The following C17orf113 variants were observed in gnomAD, a reference collection of about 807,000 sequenced individuals.
C17orf113 encodes the protein chromosome 17 open reading frame 113.
Under a neutral mutation model 11.6 loss-of-function variants are expected in C17orf113, and 5 were observed. The observed-to-expected ratio is 0.43, with a 90% confidence interval of 0.23 to 0.91. The LOEUF (loss-of-function observed/expected upper bound fraction) is 0.91. C17orf113 is among the 40% of genes least tolerant of loss of function. The pLI, the probability that C17orf113 is intolerant of heterozygous loss-of-function variation, is 0.26. For synonymous variants in C17orf113, 327 were observed against 390.6 expected (o/e 0.84, Z 1.92); for missense variants, 714 against 841.3 (o/e 0.85, Z 1.87).
chr17:42,045,710 CTG>C (rs1555656576), intron 1 of C17orf113, among the ~76,000 whole-genome samples: 3 of 152,218 alleles, frequency 2.0e-5, no homozygotes, highest in East Asian at 1.9e-4. Flanking sequence ...ATCACTGCAG[CTG>C]CCTCGGTCTC....
At position 42,039,948 on chromosome 17, in the gene C17orf113, G is replaced by A. The variant is rs1054116508; in HGVS notation, c.1785C>T (p.Pro595=). 6 of 1,231,072 alleles carry A rather than the reference G, an allele frequency of 4.9e-6. No individual in the cohort carries two copies. Among genetic ancestry groups the A allele is most frequent in the African/African-American group, 3.1e-5 (2 of 64,388 alleles). 76.3% of individuals were successfully genotyped at this position (1,231,072 alleles called of 1,614,324 possible). A position where few individuals can be genotyped will look rare whatever the true frequency, so the allele number is the denominator to read the frequency against. ...CAHSELHELF[P]DFAALAALAL... ...CCAAGGCGGCTAGGGCGGCGAAGTC[G>A]GGGAAGAGCTCGTGCAGCTCCGAGT... Residue 595 remains proline, a synonymous_variant, in exon 3 of 3, where the codon CCC becomes CCT. Coordinates refer to ENST00000587304, the MANE Select transcript of C17orf113 (RefSeq NM_001358661.2).
In C17orf113 at chr17:42,039,906, CGCGGGCAGCGCCA is replaced by C. The variant is rs1312632617; in HGVS notation, c.1814_1826del (p.Leu605TrpfsTer32). On this transcript the variant is annotated frameshift_variant, in exon 3 of 3. Coordinates refer to ENST00000587304, the MANE Select transcript of C17orf113 (RefSeq NM_001358661.2). LOFTEE classifies it high-confidence loss of function. ...CGACCTTGTCCAGCAGGCCAGCGCC[CGCGGGCAGCGCCA>C]AAGCCAAGGCGGCTAGGGCGGCGAA... is the stretch of plus-strand genomic sequence containing the variant. The C allele has an allele frequency of 8.1e-7, 1 of 1,231,246 alleles. No individual in the cohort carries two copies. Among genetic ancestry groups the C allele is most frequent in the Non-Finnish European group, 1.0e-6 (1 of 987,662 alleles). The allele number at this position is 1,231,246 out of a possible 1,614,324, so 76.3% of individuals were successfully genotyped here.
Position 42,043,038 on chromosome 17 carries a change from C to G in C17orf113, c.339G>C (p.Thr113=). Residue 113 remains threonine, a synonymous_variant, in exon 2 of 3, where the codon ACG becomes ACC. Coordinates refer to ENST00000587304, the MANE Select transcript of C17orf113 (RefSeq NM_001358661.2). ...CCTTGACGCCCCTGGAGGCAGGGGTCGTAGCCAGGCCTGGGCAGGCCCCTC... is the reference window on the plus strand; with the variant it reads ...CCTTGACGCCCCTGGAGGCAGGGGTGGTAGCCAGGCCTGGGCAGGCCCCTC... ...EGGGACPGLA[T]TPASRGVKVE... 5.7e-6 allele frequency: 7 copies of G among 1,232,296 alleles called. No homozygotes were observed. Among genetic ancestry groups the G allele is most frequent in the Non-Finnish European group, 7.1e-6 (7 of 988,082 alleles). 76.3% of individuals were successfully genotyped at this position (1,232,296 alleles called of 1,614,324 possible).
At position 42,040,578 on chromosome 17, in the gene C17orf113, C is replaced by T. The variant is rs1172458644; in HGVS notation, c.1155G>A (p.Ala385=). The part of the protein sequence containing the change: ...LEAAALASPV[A]GSLALALRQF... ...GGCGCAGGGCCAGGGCCAGTGACCC[C>T]GCCACAGGTGAGGCAAGGGCTGCAG... is the stretch of plus-strand genomic sequence containing the variant. Residue 385 remains alanine, a synonymous_variant, in exon 3 of 3, where the codon GCG becomes GCA. Coordinates refer to ENST00000587304, the MANE Select transcript of C17orf113 (RefSeq NM_001358661.2). 5 of 1,232,646 alleles carry T rather than the reference C, an allele frequency of 4.1e-6. No homozygotes were observed. Among genetic ancestry groups the T allele is most frequent in the East Asian group, 6.3e-5 (2 of 31,718 alleles). 76.4% of individuals were successfully genotyped at this position (1,232,646 alleles called of 1,614,324 possible). A position where few individuals can be genotyped will look rare whatever the true frequency, so the allele number is the denominator to read the frequency against.
At chr17:42,049,118 A>T (rs2053232688) in intron 1 of C17orf113, among the ~76,000 whole-genome samples, 2 of 152,018 alleles carry the variant, frequency 1.3e-5, no homozygotes, top group South Asian at 2.1e-4. Context: ...GGGTTCCTCC[A>T]GAGTGCCAGG....
chr17:42,045,878 C>A (rs1007759961), intron 1 of C17orf113, among the ~76,000 whole-genome samples: 2 of 152,218 alleles, frequency 1.3e-5, no homozygotes, highest in African/African-American at 2.4e-5. Context: ...CAAGGCCCTC[C>A]CCAGCCTCTG....
chr17:42,049,563 G>T (rs2053241842), intron 1 of C17orf113, among the ~76,000 whole-genome samples: 1 of 152,222 alleles, frequency 6.6e-6, no homozygotes, highest in African/African-American at 2.4e-5. Flanking sequence ...TAAAACAGCT[G>T]CCTTTGACAT....
intron 2 of C17orf113, among the ~76,000 whole-genome samples, chr17:42,041,523 T>C (rs1197930560): frequency 6.6e-6 from 1 of 152,210 alleles, no homozygotes; most frequent in Non-Finnish European, 1.5e-5. Context: ...TTGTGAATTA[T>C]AAACATCAAC....
intron 1 of C17orf113, among the ~76,000 whole-genome samples, chr17:42,046,214 G>T (rs549877243): frequency 2.0e-5 from 3 of 152,150 alleles, no homozygotes; most frequent in Non-Finnish European, 4.4e-5. Flanking sequence ...TAGAAGCCAA[G>T]ACCATGTTTG....
chr17:42,045,914 G>A (rs898831961), intron 1 of C17orf113, among the ~76,000 whole-genome samples: 7 of 152,126 alleles, frequency 4.6e-5, no homozygotes, highest in Admixed American at 6.6e-5. Context: ...AGAGCCTCCC[G>A]CCATTCCTGT....
rs1555656279 is a variant in C17orf113 at position 42,042,910 on chromosome 17, C to G, written c.467G>C (p.Arg156Thr). ...CAGCAGTGCCTGGCACAGGTTGAAC[C>G]TCTGCAGCTCGAGCAGGGCAGAGCA... ...DRCSALLELQ[R>T]FNLCQALLGT... The change falls in exon 2 of 3, where the codon AGG (arginine) becomes ACG (threonine). Residue 156 changes from arginine (R) to threonine (T), a missense_variant. Transcript: ENST00000587304. 3 of 1,232,326 alleles carry G rather than the reference C, an allele frequency of 2.4e-6. No individual in the cohort carries two copies. The highest frequency in any genetic ancestry group is 2.0e-6 in the Non-Finnish European group (2 of 988,174). 76.3% of individuals were successfully genotyped at this position (1,232,326 alleles called of 1,614,324 possible).
In C17orf113 at chr17:42,040,231, C is replaced by T; in HGVS notation, c.1502G>A (p.Gly501Asp). The stretch of plus-strand genomic sequence containing the variant: ...AGGCCCGGGGTAGGAGTCCTGTAGG[C>T]CCTTCCGCATGGAGTCCAGGAAGGA... The part of the protein sequence containing the change: ...RGSFLDSMRK[G>D]LQDSYPGPSL... Residue 501 changes from glycine to aspartate, a missense_variant, in exon 3 of 3, where the codon GGC (glycine) becomes GAC (aspartate). Around this residue, in one of 3 missense-constraint regions of C17orf113, gnomAD observed 516 missense variants for 626.6 expected, o/e 0.82. Transcript: ENST00000587304. 1 of 1,231,592 alleles carries T rather than the reference C, an allele frequency of 8.1e-7. No individual in the cohort carries two copies. The highest frequency in any genetic ancestry group is 1.0e-6 in the Non-Finnish European group (1 of 987,850). The allele number at this position is 1,231,592 out of a possible 1,614,324, so 76.3% of individuals were successfully genotyped here.
chr17:42,043,443 A>C lies in C17orf113; in HGVS notation c.-67T>G. 2.5e-6 allele frequency: 3 copies of C among 1,198,574 alleles called. No individual in the cohort carries two copies. The highest frequency in any genetic ancestry group is 3.1e-6 in the Non-Finnish European group (3 of 958,120). 74.2% of individuals were successfully genotyped at this position (1,198,574 alleles called of 1,614,324 possible). A position where few individuals can be genotyped will look rare whatever the true frequency, so the allele number is the denominator to read the frequency against. On this transcript the variant is annotated 5_prime_UTR_variant, in exon 2 of 3. Transcript: ENST00000587304. The stretch of plus-strand genomic sequence containing the variant: ...GCTCTTGCCCCCCTGCCTCCCCCAC[A>C]CACAGGCACCTCCCTTGACAAGGAG...
At position 42,038,790 on chromosome 17, in the gene C17orf113, A is replaced by G. The variant is rs1410214243; in HGVS notation, c.*915T>C. ...ACACAGAAAAGGCCTGAGGCTGCCT[A>G]TTGGTGAGGAGGGAAGGAAGGGAAC... On this transcript the variant is annotated 3_prime_UTR_variant, in exon 3 of 3. Coordinates refer to ENST00000587304, the MANE Select transcript of C17orf113 (RefSeq NM_001358661.2). The G allele has an allele frequency of 6.6e-6, 1 of 152,220 alleles. No individual in the cohort carries two copies. Among genetic ancestry groups the G allele is most frequent in the African/African-American group, 2.4e-5 (1 of 41,448 alleles). 9.4% of individuals were successfully genotyped at this position (152,220 alleles called of 1,614,324 possible).
Position 42,040,624 on chromosome 17 carries a change from C to G in C17orf113, c.1109G>C (p.Gly370Ala), listed in dbSNP as rs2052995175. 1 of 1,232,228 alleles carries G rather than the reference C, an allele frequency of 8.1e-7. No homozygotes were observed. 76.3% of individuals were successfully genotyped at this position (1,232,228 alleles called of 1,614,324 possible). The change falls in exon 3 of 3, where the codon GGC (glycine) becomes GCC (alanine). Residue 370 changes from glycine to alanine, a missense_variant. Physicochemically the swap from Gly to Ala is moderately conservative, Grantham distance 60. Transcript: ENST00000587304. ...VVEAVAEAWP[G>A]LVPTLEAAAL... ...TGCAGCCTCCAGGGTGGGCACCAGG[C>G]CAGGCCAGGCCTCGGCCACTGCTTC...
Position 42,040,902 on chromosome 17 carries a change from G to A in C17orf113, c.831C>T (p.Arg277=), listed in dbSNP as rs2053003215. 2 of 1,232,230 alleles carry A rather than the reference G, an allele frequency of 1.6e-6. No homozygotes were observed. The highest frequency in any genetic ancestry group is 2.0e-6 in the Non-Finnish European group (2 of 987,984). 76.3% of individuals were successfully genotyped at this position (1,232,230 alleles called of 1,614,324 possible). ...GGAGCTGTGGGCCCACACTCCCCAG[G>A]CGCTCACTGGGGAGGCTTGAGCTGA... ...AWLSSSLPSE[R]LGSVGPQLRA... Residue 277 remains arginine, a synonymous_variant, in exon 3 of 3, where the codon CGC becomes CGT. Transcript: ENST00000587304.
chr17:42,040,280 G>A lies in C17orf113; in HGVS notation c.1453C>T (p.Arg485Trp), dbSNP rs1255938520. The A allele has an allele frequency of 1.5e-5, 19 of 1,231,530 alleles. No homozygotes were observed. The highest frequency in any genetic ancestry group is 1.7e-5 in the Non-Finnish European group (17 of 987,894). 76.3% of individuals were successfully genotyped at this position (1,231,530 alleles called of 1,614,324 possible). Residue 485 changes from arginine (R) to tryptophan (W), a missense_variant, in exon 3 of 3, where the codon CGG becomes TGG. Arg to Trp is a moderately radical substitution (Grantham distance 101, BLOSUM62 -3). Around this residue, in one of 3 missense-constraint regions of C17orf113, gnomAD observed 516 missense variants for 626.6 expected, o/e 0.82. Transcript: ENST00000587304. ...ELLGYSEAAV[R>W]GLEWLRGSFL... ...GATCCCCGGAGCCACTCCAAGCCCC[G>A]GACCGCAGCCTCGGAGTAACCGAGC...
At chr17:42,045,879 C>T (rs1413555388) in intron 1 of C17orf113, among the ~76,000 whole-genome samples, 2 of 152,214 alleles carry the variant, frequency 1.3e-5, no homozygotes, top group African/African-American at 4.8e-5. Context: ...AAGGCCCTCC[C>T]CAGCCTCTGA....
intron 1 of C17orf113, among the ~76,000 whole-genome samples, chr17:42,049,927 A>G (rs562384903): frequency 3.9e-5 from 6 of 152,326 alleles, no homozygotes; most frequent in African/African-American, 1.2e-4. Flanking sequence ...GCTAGTGGCT[A>G]TTGCATTGGA....
Sources: gnomAD v4.1 joint callset for allele counts (sites outside exome capture counted in the v4.1 genomes callset) on GRCh38, gnomAD v4.1.1 for gene constraint, gnomAD v4.1.1 regional missense constraint, MANE v1.5 for transcripts, NCBI Gene and HGNC (gene_info 2026-07-23, HGNC 2026-07-21) for gene names.